Variants in TOGARAM2 observed in about 807,000 individuals in gnomAD.
TOGARAM2 encodes the protein TOG array regulator of axonemal microtubules 2, also known as TOG array regulator of axonemal microtubules protein 2.
Under a neutral mutation model 93.3 loss-of-function variants are expected in TOGARAM2, and 85 were observed. The observed-to-expected ratio is 0.91, with a 90% CI of 0.76 to 1.09. The LOEUF (loss-of-function observed/expected upper bound fraction) is 1.09. Ranked by LOEUF, TOGARAM2 falls within the 50% of genes least tolerant of loss-of-function variation. The pLI is 0.00. For missense variants in TOGARAM2, 1,277 were observed against 1,334.5 expected, an observed-to-expected ratio of 0.96 and a Z score of 0.67; for synonymous variants, 593 against 552.8, an observed-to-expected ratio of 1.07 and a Z score of -1.02.
In TOGARAM2 at chr2:28,999,400, A is replaced by G; in HGVS notation, c.359A>G (p.Asp120Gly). 1 of 1,613,332 alleles carries G rather than the reference A, an allele frequency of 6.2e-7. No homozygotes were observed. The highest frequency in any genetic ancestry group is 8.5e-7 in the Non-Finnish European group (1 of 1,179,658). ...PESEANSVAR[D>G]TIQIKDKLKK... ...TCAGAGGCCAACAGCGTGGCCAGGG[A>G]CACCATCCAGATTAAGGACAAGCTC... The change falls in exon 4 of 20, where the codon GAC becomes GGC. Residue 120 changes from aspartate (D) to glycine (G), a missense_variant. Coordinates refer to ENST00000379558, the MANE Select transcript of TOGARAM2 (RefSeq NM_199280.4).
At chr2:29,043,325 G>A (rs1666546298) in intron 18 of TOGARAM2, among the ~76,000 whole-genome samples, 1 of 152,180 alleles carries the variant, frequency 6.6e-6, no homozygotes, top group Non-Finnish European at 1.5e-5. Flanking sequence ...TATCCCTCAG[G>A]AGGACAGCAA....
At chr2:29,034,683 C>T (rs1323065027) in intron 16 of TOGARAM2, among the ~76,000 whole-genome samples, 1 of 152,108 alleles carries the variant, frequency 6.6e-6, no homozygotes, top group African/African-American at 2.4e-5. Flanking sequence ...CTGGAAGGGG[C>T]TAGGGGGCTG....
At chr2:29,035,415 TC>T in intron 16 of TOGARAM2, 48 bp from the exon 17 acceptor site, 1 of 1,281,370 alleles carries the variant, frequency 7.8e-7, no homozygotes, top group Non-Finnish European at 1.0e-6. Flanking sequence ...GTGGGTTCAT[TC>T]CCCCGGGCTC....
At position 29,022,159 on chromosome 2, in the gene TOGARAM2, T is replaced by C. The variant is rs771626507; in HGVS notation, c.1362T>C (p.Ala454=). ...QEPRFARHAS[A]NSLPAVLTLG... The stretch of plus-strand genomic sequence containing the variant: ...GCTGTTTCTTTCTTGTGAATGCAGC[T>C]AACTCATTACCTGCGGTGCTCACGT... The change falls in exon 11 of 20, where the codon GCT becomes GCC. Residue 454 remains alanine, a splice_region_variant and synonymous_variant. Coordinates refer to ENST00000379558, the MANE Select transcript of TOGARAM2 (RefSeq NM_199280.4). 1.2e-6 allele frequency: 2 copies of C among 1,614,024 alleles called. No homozygotes were observed. Among genetic ancestry groups the C allele is most frequent in the Admixed American group, 1.7e-5 (1 of 60,036 alleles).
intron 18 of TOGARAM2, among the ~76,000 whole-genome samples, chr2:29,039,503 C>T (rs1158170207): frequency 6.6e-6 from 1 of 152,180 alleles, no homozygotes; most frequent in Non-Finnish European, 1.5e-5. Flanking sequence ...CTAGAACTCA[C>T]TAATTCTAGA....
intron 1 of TOGARAM2, among the ~76,000 whole-genome samples, chr2:28,961,498 T>C (rs1358803601): frequency 6.6e-6 from 1 of 151,968 alleles, no homozygotes; most frequent in Non-Finnish European, 1.5e-5. Flanking sequence ...CCCGCCACCA[T>C]GCCCGGCTAA....
Position 29,023,068 on chromosome 2 carries a change from C to T in TOGARAM2, c.1512-18C>T. ...CCCTCTCCACCCTTCTGCAACAGGG[C>T]CTGGCCTTGCTTCTCAGGCAGATGA... is the stretch of plus-strand genomic sequence containing the variant. On this transcript the variant is annotated intron_variant, in intron 11 of 19. Coordinates refer to ENST00000379558, the MANE Select transcript of TOGARAM2 (RefSeq NM_199280.4). The T allele has an allele frequency of 6.4e-7, 1 of 1,571,292 alleles. No homozygotes were observed. The highest frequency in any genetic ancestry group is 1.3e-5 in the African/African-American group (1 of 74,422).
In TOGARAM2 at chr2:29,024,297, C is replaced by A; in HGVS notation, c.1776C>A (p.Ala592=). 1 of 1,613,328 alleles carries A rather than the reference C, an allele frequency of 6.2e-7. No homozygotes were observed. The highest frequency in any genetic ancestry group is 8.5e-7 in the Non-Finnish European group (1 of 1,179,662). The change falls in exon 13 of 20, where the codon GCC becomes GCA. Residue 592 remains alanine (A), a synonymous_variant. Transcript: ENST00000379558. ...CCAACGAGTTCATCCAGAGAGCAGC[C>A]GGCCAGTCTCTGAGGGCTATGGTGG... ...ADTNEFIQRA[A]GQSLRAMVEN... is the part of the protein sequence containing the mutation.
At chr2:28,987,376 G>A (rs893591186) in intron 1 of TOGARAM2, among the ~76,000 whole-genome samples, 4 of 151,966 alleles carry the variant, frequency 2.6e-5, no homozygotes, top group African/African-American at 4.8e-5. Context: ...TGCAAACTCC[G>A]CCTCCCAGGT....
chr2:29,036,512 T>C (rs1666119375), intron 17 of TOGARAM2, 29 bp from the exon 18 acceptor site: 2 of 1,612,142 alleles, frequency 1.2e-6, no homozygotes, highest in African/African-American at 2.7e-5. Context: ...TGGGTTCCCA[T>C]GGGCTCTTGG....
chr2:29,008,948 C>T (rs1664048946), intron 6 of TOGARAM2, among the ~76,000 whole-genome samples: 1 of 152,170 alleles, frequency 6.6e-6, no homozygotes, highest in African/African-American at 2.4e-5. Flanking sequence ...ATGTGGGGCT[C>T]TCTAGCCAAT....
In TOGARAM2 at chr2:29,003,628, G is replaced by T; in HGVS notation, c.776G>T (p.Ser259Ile). The change falls in exon 6 of 20, where the codon AGC (serine) becomes ATC (isoleucine). Residue 259 changes from serine to isoleucine, a missense_variant. Physicochemically the swap from Ser to Ile is moderately radical, Grantham distance 142. Coordinates refer to ENST00000379558, the MANE Select transcript of TOGARAM2 (RefSeq NM_199280.4). ...TCCCGTGTGCCTGGCTCCCTTCCCA[G>T]CCCGTTACCTCCAGGCCAGGGAGTC... ...TPSRVPGSLP[S>I]PLPPGQGVLT... 6.3e-7 allele frequency: 1 copy of T among 1,593,180 alleles called. No homozygotes were observed. Among genetic ancestry groups the T allele is most frequent in the Non-Finnish European group, 8.5e-7 (1 of 1,170,806 alleles).
chr2:29,018,105 G>C, intron 10 of TOGARAM2, 149 bp downstream of exon 10: 1 of 915,306 alleles, frequency 1.1e-6, no homozygotes, highest in Non-Finnish European at 1.6e-6. Context: ...TGGTTGCCTT[G>C]CCAGAGAGAG....
At chr2:29,012,910 A>G (rs571711626) in intron 7 of TOGARAM2, among the ~76,000 whole-genome samples, 70 of 152,276 alleles carry the variant, frequency 4.6e-4, no homozygotes, top group African/African-American at 1.6e-3. Context: ...TGAGGCTTCA[A>G]AGCCCCTCTT....
At chr2:28,959,026 G>C (rs1671762883) in intron 1 of TOGARAM2, among the ~76,000 whole-genome samples, 1 of 152,176 alleles carries the variant, frequency 6.6e-6, no homozygotes, top group Non-Finnish European at 1.5e-5. Flanking sequence ...AGCAGCAGGC[G>C]TGATGAGAGG....
At position 29,022,168 on chromosome 2, in the gene TOGARAM2, A is replaced by T; in HGVS notation, c.1371A>T (p.Leu457Phe). 6.2e-7 allele frequency: 1 copy of T among 1,613,954 alleles called. No homozygotes were observed. Residue 457 changes from leucine to phenylalanine, a missense_variant, in exon 11 of 20, where the codon TTA becomes TTT. Leu to Phe is a conservative substitution (Grantham distance 22). Transcript: ENST00000379558. ...RFARHASANSLPAVLTLGSPE... is the reference protein window; with the variant it reads ...RFARHASANSFPAVLTLGSPE... Reference sequence around the variant, plus strand: ...TTCTTGTGAATGCAGCTAACTCATTACCTGCGGTGCTCACGTTGGGGTCTC... The same window carrying T: ...TTCTTGTGAATGCAGCTAACTCATTTCCTGCGGTGCTCACGTTGGGGTCTC...
intron 1 of TOGARAM2, among the ~76,000 whole-genome samples, chr2:28,983,396 A>G (rs997012639): frequency 5.3e-5 from 8 of 151,688 alleles, no homozygotes; most frequent in Non-Finnish European, 8.8e-5. Flanking sequence ...TTTGAACTTT[A>G]TAGAAGTAGG....
At chr2:29,009,283 G>A (rs1664073258) in intron 6 of TOGARAM2, among the ~76,000 whole-genome samples, 2 of 152,200 alleles carry the variant, frequency 1.3e-5, no homozygotes, top group South Asian at 2.1e-4. Context: ...GACAGCCTGC[G>A]GGGTGGGGGT....
chr2:28,992,113 TG>T (rs1672762867), intron 1 of TOGARAM2, among the ~76,000 whole-genome samples: 2 of 152,124 alleles, frequency 1.3e-5, no homozygotes, highest in South Asian at 4.1e-4. Flanking sequence ...AATTGTGCCT[TG>T]GGGGTCAGGT....
Sources: allele counts gnomAD v4.1 joint callset (sites outside exome capture counted in the v4.1 genomes callset), GRCh38; gene constraint gnomAD v4.1.1; transcripts MANE v1.5; gene names NCBI Gene and HGNC (gene_info 2026-07-23, HGNC 2026-07-21).